PRKG1: variants seen among roughly 807,000 people sequenced by gnomAD.
PRKG1 encodes the protein protein kinase cGMP-dependent 1.
In PRKG1, 35 loss-of-function variants were observed where a neutral mutation model predicts 88.1. The observed-to-expected ratio is 0.40, with a 90% confidence interval of 0.30 to 0.53. The LOEUF (loss-of-function observed/expected upper bound fraction) is 0.53. Ranked by LOEUF, PRKG1 falls within the 20% of genes least tolerant of loss-of-function variation. PRKG1 has a pLI of 0.59. For missense variants in PRKG1, 540 were observed against 839.8 expected (o/e 0.64, Z 4.41); for synonymous variants, 303 against 292.5 (o/e 1.04, Z -0.37).
intron 1 of PRKG1, among the ~76,000 whole-genome samples, chr10:51,065,058 G>GAAGTTATT (rs1170024003): frequency 6.6e-6 from 1 of 152,048 alleles, no homozygotes; most frequent in Non-Finnish European, 1.5e-5. Flanking sequence ...AATAATCACA[G>GAAGTTATT]AAGTTATTAA....
intron 2 of PRKG1, among the ~76,000 whole-genome samples, chr10:51,217,061 A>G (rs1838390992): frequency 6.6e-6 from 1 of 152,138 alleles, no homozygotes; most frequent in Admixed American, 6.6e-5. Flanking sequence ...TGAAAAGCTC[A>G]TGGGTGATAG....
intron 3 of PRKG1, among the ~76,000 whole-genome samples, chr10:51,561,645 GGGAGA>G (rs1213668025): frequency 1.2e-4 from 18 of 151,992 alleles, no homozygotes; most frequent in African/African-American, 4.3e-4. Context: ...AGAAGGGGTG[GGGAGA>G]GGAAAGTGGG....
At chr10:52,109,118 G>A (rs927460218) in intron 7 of PRKG1, among the ~76,000 whole-genome samples, 5 of 152,050 alleles carry the variant, frequency 3.3e-5, no homozygotes, top group Non-Finnish European at 7.4e-5. Flanking sequence ...GAGCCACTGC[G>A]CCAGGCCTTC....
At chr10:51,953,866 G>C (rs1361695636) in intron 5 of PRKG1, among the ~76,000 whole-genome samples, 1 of 151,746 alleles carries the variant, frequency 6.6e-6, no homozygotes, top group Non-Finnish European at 1.5e-5. Flanking sequence ...AGGCTTTCTT[G>C]GTTGTGACAA....
chr10:51,373,193 C>T (rs1454168692), intron 2 of PRKG1, among the ~76,000 whole-genome samples: 1 of 152,128 alleles, frequency 6.6e-6, no homozygotes, highest in African/African-American at 2.4e-5. Context: ...CTTACTGTAA[C>T]TATATGTTAT....
intron 2 of PRKG1, among the ~76,000 whole-genome samples, chr10:51,374,548 A>C (rs1307979196): frequency 6.6e-6 from 1 of 152,038 alleles, no homozygotes; most frequent in Non-Finnish European, 1.5e-5. Flanking sequence ...TGCCCTTCTA[A>C]AGGGGCTTGA....
chr10:51,864,888 A>G (rs1391941660), intron 4 of PRKG1, among the ~76,000 whole-genome samples: 1 of 152,196 alleles, frequency 6.6e-6, no homozygotes, highest in Non-Finnish European at 1.5e-5. Flanking sequence ...TTATTTATCA[A>G]CAGGAGAATT....
At chr10:51,307,876 C>A (rs1841078791) in intron 2 of PRKG1, among the ~76,000 whole-genome samples, 2 of 152,232 alleles carry the variant, frequency 1.3e-5, no homozygotes, top group Middle Eastern at 3.4e-3. Flanking sequence ...AAGAGATTCC[C>A]TGAGAAAGAA....
intron 3 of PRKG1, among the ~76,000 whole-genome samples, chr10:51,656,948 C>T (rs976023936): frequency 6.6e-6 from 1 of 152,104 alleles, no homozygotes; most frequent in African/African-American, 2.4e-5. Flanking sequence ...TGACTTGGCA[C>T]TGTGTGGCCT....
chr10:51,797,481 T>A (rs1839045103), intron 3 of PRKG1, among the ~76,000 whole-genome samples: 1 of 146,246 alleles, frequency 6.8e-6, no homozygotes. Flanking sequence ...TTATAATTTA[T>A]TATATCATTA....
intron 9 of PRKG1, among the ~76,000 whole-genome samples, chr10:52,164,809 C>G (rs1838386331): frequency 6.6e-6 from 1 of 152,092 alleles, no homozygotes; most frequent in Admixed American, 6.5e-5. Flanking sequence ...GTGTATATGA[C>G]ATGATGATTT....
chr10:51,396,031 T>TA (rs1837567822), intron 2 of PRKG1, among the ~76,000 whole-genome samples: 1 of 152,058 alleles, frequency 6.6e-6, no homozygotes. Flanking sequence ...ATTATGTACA[T>TA]AACACTTTTA....
chr10:51,327,648 C>T (rs1841627101), intron 2 of PRKG1, among the ~76,000 whole-genome samples: 1 of 152,060 alleles, frequency 6.6e-6, no homozygotes, highest in South Asian at 2.1e-4. Context: ...TACTACACAC[C>T]TAAGGTATGC....
chr10:52,135,736 G>T (rs1054709301), intron 8 of PRKG1, among the ~76,000 whole-genome samples: 1 of 152,036 alleles, frequency 6.6e-6, no homozygotes, highest in African/African-American at 2.4e-5. Flanking sequence ...ATACAATATC[G>T]AACACTCAAG....
chr10:52,224,408 C>A (rs56219653), intron 9 of PRKG1, among the ~76,000 whole-genome samples: 35,489 of 151,548 alleles, frequency 0.23, 4,345 homozygotes, highest in Non-Finnish European at 0.26. Flanking sequence ...GGTTTTTGTT[C>A]CCACACTCCC....
chr10:52,054,240 G>A (rs1024281221), intron 5 of PRKG1, among the ~76,000 whole-genome samples: 1 of 152,108 alleles, frequency 6.6e-6, no homozygotes, highest in African/African-American at 2.4e-5. Context: ...TGCACATTGT[G>A]CACATGTACC....
intron 3 of PRKG1, among the ~76,000 whole-genome samples, chr10:51,518,620 T>A (rs899560932): frequency 5.9e-5 from 9 of 152,164 alleles, no homozygotes; most frequent in Non-Finnish European, 1.3e-4. Context: ...AATTGCCACA[T>A]TCCAGTGGGA....
At chr10:52,066,301 T>C (rs1351469274) in intron 7 of PRKG1, among the ~76,000 whole-genome samples, 1 of 152,230 alleles carries the variant, frequency 6.6e-6, no homozygotes. Flanking sequence ...GCTAATATTA[T>C]GTCCTCAACT....
Position 50,991,243 on chromosome 10 carries a change from G to T in PRKG1, c.-136G>T. The T allele has an allele frequency of 7.6e-7, 1 of 1,307,440 alleles. No individual in the cohort carries two copies. The highest frequency in any genetic ancestry group is 1.0e-6 in the Non-Finnish European group (1 of 987,374). The allele number at this position is 1,307,440 out of a possible 1,614,324, so 81.0% of individuals were successfully genotyped here. On this transcript the variant is annotated 5_prime_UTR_variant, in exon 1 of 18. Coordinates refer to the PRKG1 transcript ENST00000401604. The surrounding 1 kb of genome is among the most constrained non-coding windows in gnomAD (Gnocchi z 4.5). Reference sequence around the variant, plus strand: ...CCGCGCCGCATTAGGGGCGCACTCCGCCGCGCTCGAGTACTTAGCGCCCAT... The same window carrying T: ...CCGCGCCGCATTAGGGGCGCACTCCTCCGCGCTCGAGTACTTAGCGCCCAT...
Sources: allele counts gnomAD v4.1 joint callset (sites outside exome capture counted in the v4.1 genomes callset), GRCh38; gene constraint gnomAD v4.1.1; non-coding constraint Gnocchi (gnomAD v3.1); transcripts MANE v1.5; gene names NCBI Gene and HGNC (gene_info 2026-07-23, HGNC 2026-07-21).